Variants in SYN3 observed in about 807,000 individuals in gnomAD.
SYN3 encodes the protein synapsin III.
In SYN3, 35 loss-of-function variants were observed where a neutral mutation model predicts 65.8. The observed-to-expected ratio is 0.53, with a 90% CI of 0.41 to 0.70. The LOEUF (loss-of-function observed/expected upper bound fraction) is 0.70. Among genes scored for constraint, SYN3 ranks in the 30% least tolerant of loss-of-function variants. The pLI is 0.00. For missense variants in SYN3, 680 were observed against 749.0 expected, an observed-to-expected ratio of 0.91 and a Z score of 1.08; for synonymous variants, 270 against 292.9, an observed-to-expected ratio of 0.92 and a Z score of 0.80.
At chr22:32,828,125 C>G (rs2047466972) in intron 6 of SYN3, among the ~76,000 whole-genome samples, 1 of 152,232 alleles carries the variant, frequency 6.6e-6, no homozygotes, top group Non-Finnish European at 1.5e-5. Flanking sequence ...ACTTGAAACT[C>G]TAACATTTGT....
chr22:32,956,412 C>A, intron 3 of SYN3, among the ~76,000 whole-genome samples: 1 of 152,136 alleles, frequency 6.6e-6, no homozygotes, highest in Non-Finnish European at 1.5e-5. Flanking sequence ...GCCTCAGCCT[C>A]CCAAAGTGCT....
intron 6 of SYN3, among the ~76,000 whole-genome samples, chr22:32,604,751 A>G (rs776577297): frequency 5.3e-5 from 8 of 152,154 alleles, no homozygotes; most frequent in Non-Finnish European, 1.0e-4. Flanking sequence ...CACGCCTGTA[A>G]TCCCAGCACT....
intron 6 of SYN3, among the ~76,000 whole-genome samples, chr22:32,666,664 C>T (rs2060293911): frequency 6.6e-6 from 1 of 152,204 alleles, no homozygotes; most frequent in South Asian, 2.1e-4. Context: ...TGCACATTCC[C>T]CATCTCCCAT....
intron 8 of SYN3, 127 bp downstream of exon 8, chr22:32,541,442 GAA>G: frequency 1.7e-6 from 2 of 1,189,674 alleles, no homozygotes; most frequent in Middle Eastern, 2.9e-4. Flanking sequence ...ACTGGACAGA[GAA>G]GAAGGGCAGT....
intron 4 of SYN3, among the ~76,000 whole-genome samples, chr22:32,913,593 G>A (rs1013696099): frequency 2.6e-5 from 4 of 152,094 alleles, no homozygotes; most frequent in Non-Finnish European, 5.9e-5. Context: ...GCTCTTAGGG[G>A]CAAGTTATAG....
At position 32,801,171 on chromosome 22, in the gene SYN3, C is replaced by CAG. The variant is rs150312532; in HGVS notation, c.711+63742_711+63743dup. On this transcript the variant is annotated intron_variant, in intron 6 of 13. Transcript: ENST00000358763. The surrounding 1 kb of genome is among the most constrained non-coding windows in gnomAD (Gnocchi z 4.7). ...TTCCCATATCCCAGAGAGTAAGAAC[C>CAG]AGAGAGAGAGAGAAAGAGAGAGAGT... Among the ~76,000 whole-genome samples the CAG allele has an allele frequency of 6.6e-6, 1 of 152,062 alleles. No individual in the cohort carries two copies. Among genetic ancestry groups the CAG allele is most frequent in the African/African-American group, 2.4e-5 (1 of 41,424 alleles).
chr22:32,897,165 C>T (rs1462876153), intron 4 of SYN3, among the ~76,000 whole-genome samples: 4 of 152,162 alleles, frequency 2.6e-5, no homozygotes, highest in South Asian at 2.1e-4. Context: ...CACCTGAGGC[C>T]TCTCTAGAAT....
intron 6 of SYN3, among the ~76,000 whole-genome samples, chr22:32,739,376 CTTTTTT>C (rs3070577): frequency 7.2e-6 from 1 of 138,958 alleles, no homozygotes; most frequent in Non-Finnish European, 1.6e-5. Flanking sequence ...TAAACCCCCC[CTTTTTT>C]TTTTTTTTAT....
chr22:32,991,361 ATAATAATAATAG>A (rs1422714308), intron 2 of SYN3, among the ~76,000 whole-genome samples: 1 of 146,078 alleles, frequency 6.8e-6, no homozygotes, highest in African/African-American at 2.5e-5. Context: ...AATAATAATA[ATAATAATAATAG>A]TAATAATAGA....
intron 6 of SYN3, among the ~76,000 whole-genome samples, chr22:32,706,037 T>C (rs1050765051): frequency 7.2e-5 from 11 of 152,194 alleles, no homozygotes; most frequent in African/African-American, 2.7e-4. Context: ...TTCTTCCTAT[T>C]TGGATGTGCT....
intron 10 of SYN3, among the ~76,000 whole-genome samples, chr22:32,532,675 G>A (rs1482874822): frequency 6.8e-6 from 1 of 146,602 alleles, no homozygotes; most frequent in Non-Finnish European, 1.5e-5. Context: ...CACCCACTGA[G>A]TCACCTGGTC....
intron 12 of SYN3, among the ~76,000 whole-genome samples, chr22:32,525,203 C>G (rs1213016861): frequency 1.3e-5 from 2 of 152,128 alleles, no homozygotes. Context: ...GATTCCCATC[C>G]TTATGGATGA....
At chr22:32,516,643 G>A (rs1330202278) in intron 13 of SYN3, among the ~76,000 whole-genome samples, 1 of 152,202 alleles carries the variant, frequency 6.6e-6, no homozygotes, top group Non-Finnish European at 1.5e-5. Flanking sequence ...TGGGATTACA[G>A]GCATGAGCCA....
chr22:32,994,030 T>A (rs2052804064), intron 2 of SYN3, among the ~76,000 whole-genome samples: 1 of 151,990 alleles, frequency 6.6e-6, no homozygotes, highest in African/African-American at 2.4e-5. Flanking sequence ...TGTTCCCCCC[T>A]CCTCCCCGAA....
At chr22:32,992,896 C>T (rs1313517520) in intron 2 of SYN3, among the ~76,000 whole-genome samples, 1 of 152,166 alleles carries the variant, frequency 6.6e-6, no homozygotes, top group East Asian at 1.9e-4. Flanking sequence ...GGGAACATCT[C>T]CGTGTGGCCT....
Position 32,758,681 on chromosome 22 carries a change from CATATATATAT to C in SYN3, c.711+106224_711+106233del, listed in dbSNP as rs71187211. ...TGTGTAAGTTAATACTTACTAAACT[CATATATATAT>C]ATATATATATGTCTTATTAGTTCTG... On this transcript the variant is annotated intron_variant, in intron 6 of 13. Coordinates refer to ENST00000358763, the MANE Select transcript of SYN3 (RefSeq NM_003490.4). Among the ~76,000 whole-genome samples, 52 of 33,088 alleles carry C rather than the reference CATATATATAT, an allele frequency of 1.6e-3. 7 individuals are homozygous for C. Among genetic ancestry groups the C allele is most frequent in the Admixed American group, 2.8e-3 (5 of 1,784 alleles). 21.7% of individuals were successfully genotyped at this position (33,088 alleles called of 152,430 possible).
At chr22:32,851,653 CAG>C (rs2048221660) in intron 6 of SYN3, among the ~76,000 whole-genome samples, 1 of 152,140 alleles carries the variant, frequency 6.6e-6, no homozygotes. Context: ...ATGACTTACT[CAG>C]AGTCAAGCAT....
chr22:33,037,330 C>T (rs996198855), intron 1 of SYN3, among the ~76,000 whole-genome samples: 3 of 152,138 alleles, frequency 2.0e-5, no homozygotes, highest in Non-Finnish European at 4.4e-5. Flanking sequence ...GAGCTCCTTT[C>T]TCCCCATACA....
At chr22:32,586,065 T>C (rs970451152) in intron 7 of SYN3, among the ~76,000 whole-genome samples, 4 of 135,038 alleles carry the variant, frequency 3.0e-5, no homozygotes, top group South Asian at 2.5e-4. Flanking sequence ...TATATGTATA[T>C]ATGTATACAT....
Sources: gnomAD v4.1 joint callset for allele counts (sites outside exome capture counted in the v4.1 genomes callset) on GRCh38, gnomAD v4.1.1 for gene constraint, Gnocchi (gnomAD v3.1) non-coding constraint, MANE v1.5 for transcripts, NCBI Gene and HGNC (gene_info 2026-07-23, HGNC 2026-07-21) for gene names.